Variants in RUNX2 observed in about 807,000 individuals in gnomAD.
RUNX2 encodes RUNX family transcription factor 2.
Under a neutral mutation model 51.7 loss-of-function variants are expected in RUNX2, and 10 were observed. That is an observed-to-expected ratio of 0.19 (90% CI 0.12 to 0.33). RUNX2 has a LOEUF of 0.33. RUNX2 is among the 10% of genes least tolerant of loss of function. RUNX2 has a pLI of 1.00. For missense variants in RUNX2, 562 were observed against 691.3 expected (o/e 0.81, Z 2.10); for synonymous variants, 276 against 273.6 (o/e 1.01, Z -0.09).
At chr6:45,525,542 T>C (rs2150434185) in intron 7 of RUNX2, among the ~76,000 whole-genome samples, 1 of 152,346 alleles carries the variant, frequency 6.6e-6, no homozygotes. Flanking sequence ...AGCAGGTCAC[T>C]AACTTCTGTA....
intron 5 of RUNX2, among the ~76,000 whole-genome samples, chr6:45,482,011 G>A (rs1800130612): frequency 1.3e-5 from 2 of 152,170 alleles, no homozygotes; most frequent in Non-Finnish European, 2.9e-5. Context: ...TTGAGTAGTA[G>A]GTCTGAAATG....
intron 2 of RUNX2, among the ~76,000 whole-genome samples, chr6:45,394,493 T>C (rs181952909): frequency 6.6e-6 from 1 of 152,316 alleles, no homozygotes; most frequent in East Asian, 1.9e-4. Context: ...ACAGATCTTT[T>C]AGCTGTGATT....
chr6:45,354,223 A>C (rs1459620036), intron 2 of RUNX2, among the ~76,000 whole-genome samples: 1 of 152,176 alleles, frequency 6.6e-6, no homozygotes, highest in African/African-American at 2.4e-5. Context: ...ATAGTGGAAA[A>C]ACTGGACAAA....
intron 4 of RUNX2, among the ~76,000 whole-genome samples, 195 bp from the exon 5 acceptor site, chr6:45,437,752 C>T (rs1316814034): frequency 6.6e-6 from 1 of 152,162 alleles, no homozygotes; most frequent in Admixed American, 6.5e-5. Context: ...ATGATCTTGA[C>T]TCTAAGCAAA....
At chr6:45,532,653 C>A (rs574236857) in intron 7 of RUNX2, among the ~76,000 whole-genome samples, 9 of 152,146 alleles carry the variant, frequency 5.9e-5, no homozygotes, top group African/African-American at 2.2e-4. Context: ...TCTTTTCACC[C>A]GAAAATTAAG....
intron 3 of RUNX2, 57 bp downstream of exon 3, chr6:45,423,014 G>T: frequency 6.3e-7 from 1 of 1,585,962 alleles, no homozygotes; most frequent in Non-Finnish European, 8.5e-7. Context: ...CTGCCCGCCG[G>T]TGTCTTCCTG....
chr6:45,521,536 T>C (rs1037205477), intron 7 of RUNX2, among the ~76,000 whole-genome samples: 11 of 152,352 alleles, frequency 7.2e-5, no homozygotes, highest in Non-Finnish European at 1.3e-4. Context: ...ATAGCCATCA[T>C]GTAATAAAGT....
chr6:45,413,410 G>T (rs1017727228), intron 2 of RUNX2, among the ~76,000 whole-genome samples: 10 of 138,790 alleles, frequency 7.2e-5, no homozygotes, highest in African/African-American at 2.4e-4. Context: ...AGTAGATACA[G>T]AAAGTTAAAA....
chr6:45,451,377 T>C (rs1378082428), intron 5 of RUNX2, among the ~76,000 whole-genome samples: 91 of 152,208 alleles, frequency 6.0e-4, no homozygotes, highest in Non-Finnish European at 7.3e-5. Flanking sequence ...TAGATTCTCT[T>C]AGGACTATGT....
chr6:45,336,574 A>C (rs1056595152), intron 2 of RUNX2, among the ~76,000 whole-genome samples: 12 of 151,488 alleles, frequency 7.9e-5, no homozygotes, highest in African/African-American at 2.9e-4. Flanking sequence ...TTAAATTGCT[A>C]AATTATTTAA....
chr6:45,332,589 C>T (rs1787735583), intron 2 of RUNX2, among the ~76,000 whole-genome samples: 1 of 151,752 alleles, frequency 6.6e-6, no homozygotes, highest in African/African-American at 2.4e-5. Context: ...ATAGTGAAGT[C>T]ATGCAAAAGC....
intron 2 of RUNX2, among the ~76,000 whole-genome samples, chr6:45,362,526 T>A (rs12203466): frequency 0.23 from 34,408 of 152,048 alleles, 4,561 homozygotes; most frequent in Non-Finnish European, 0.31. Flanking sequence ...TTTTATACAA[T>A]CAAAAGCCTA....
intron 5 of RUNX2, among the ~76,000 whole-genome samples, chr6:45,440,032 C>G (rs991426786): frequency 6.6e-6 from 1 of 152,086 alleles, no homozygotes; most frequent in Non-Finnish European, 1.5e-5. Context: ...TGTGTGGTGC[C>G]CAGGGTGGGC....
At chr6:45,514,767 G>A (rs1801267463) in intron 7 of RUNX2, among the ~76,000 whole-genome samples, 1 of 152,022 alleles carries the variant, frequency 6.6e-6, no homozygotes, top group Non-Finnish European at 1.5e-5. Flanking sequence ...TAATTCCCTG[G>A]GGACTAGTCC....
chr6:45,372,745 A>T (rs1010973951), intron 2 of RUNX2, among the ~76,000 whole-genome samples: 1 of 151,734 alleles, frequency 6.6e-6, no homozygotes, highest in Non-Finnish European at 1.5e-5. Context: ...TGCAATCTCC[A>T]CCTCCTGGGC....
At chr6:45,387,921 T>G (rs1041929796) in intron 2 of RUNX2, among the ~76,000 whole-genome samples, 1 of 152,206 alleles carries the variant, frequency 6.6e-6, no homozygotes, top group Non-Finnish European at 1.5e-5. Flanking sequence ...AGCTTGGTTA[T>G]AGTGACTTGG....
chr6:45,341,585 A>G (rs1039642571), intron 2 of RUNX2, among the ~76,000 whole-genome samples: 3 of 152,228 alleles, frequency 2.0e-5, no homozygotes, highest in Non-Finnish European at 4.4e-5. Flanking sequence ...AAAGGTTAAA[A>G]GTGAGTTTGT....
chr6:45,345,177 A>AT (rs1422284139), intron 2 of RUNX2, among the ~76,000 whole-genome samples: 6 of 152,338 alleles, frequency 3.9e-5, no homozygotes, highest in Non-Finnish European at 7.4e-5. Context: ...TTGACACTTT[A>AT]TAAAAATATC....
intron 6 of RUNX2, among the ~76,000 whole-genome samples, chr6:45,493,674 G>T (rs1289663097): frequency 1.3e-5 from 2 of 151,600 alleles, no homozygotes; most frequent in African/African-American, 4.8e-5. Context: ...GTAGACTTTA[G>T]ATTATTCATT....
Sources: gnomAD v4.1 joint callset for allele counts (sites outside exome capture counted in the v4.1 genomes callset) on GRCh38, gnomAD v4.1.1 for gene constraint, MANE v1.5 for transcripts, NCBI Gene and HGNC (gene_info 2026-07-23, HGNC 2026-07-21) for gene names.